Variants in JARID2 observed in about 807,000 individuals in gnomAD.
JARID2 encodes the protein jumonji and AT-rich interaction domain containing 2.
JARID2 carries 21 observed loss-of-function variants against 125.6 expected under a neutral mutation model. The observed-to-expected ratio is 0.17, with a 90% CI of 0.12 to 0.24. The LOEUF (loss-of-function observed/expected upper bound fraction) is 0.24. Among genes scored for constraint, JARID2 ranks in the 10% least tolerant of loss-of-function variants. JARID2 has a pLI of 1.00. For synonymous variants in JARID2, 736 were observed against 661.6 expected (o/e 1.11, Z -1.73); for missense variants, 1,303 against 1,639.6 (o/e 0.79, Z 3.55).
intron 1 of JARID2, among the ~76,000 whole-genome samples, chr6:15,310,100 A>G (rs1397618522): frequency 6.6e-6 from 1 of 152,158 alleles, no homozygotes; most frequent in Non-Finnish European, 1.5e-5. Context: ...GGTTGGCTGG[A>G]TGGGCTGGGG....
chr6:15,248,931 GCCTT>G (rs1442218914), intron 1 of JARID2: 3 of 985,744 alleles, frequency 3.0e-6, no homozygotes, highest in Non-Finnish European at 3.6e-6. Context: ...CTCGGCCTCT[GCCTT>G]CCGCTCCGGA....
chr6:15,420,134 G>A (rs1766416977), intron 3 of JARID2, among the ~76,000 whole-genome samples: 2 of 152,274 alleles, frequency 1.3e-5, no homozygotes, highest in South Asian at 4.1e-4. Flanking sequence ...AGAAGTTACA[G>A]CTGGGCACGC....
At chr6:15,433,064 G>C (rs999268648) in intron 3 of JARID2, among the ~76,000 whole-genome samples, 1 of 152,150 alleles carries the variant, frequency 6.6e-6, no homozygotes, top group African/African-American at 2.4e-5. Flanking sequence ...TTTTGTTGCT[G>C]GTTGAAGAAT....
chr6:15,400,761 C>G (rs943905983), intron 2 of JARID2: 3 of 980,642 alleles, frequency 3.1e-6, no homozygotes, highest in Non-Finnish European at 3.6e-6. Context: ...CTGGCTGCCT[C>G]CCCTCCCCCT....
intron 1 of JARID2, among the ~76,000 whole-genome samples, chr6:15,345,584 C>T (rs1206440497): frequency 6.6e-6 from 1 of 152,178 alleles, no homozygotes; most frequent in Admixed American, 6.5e-5. Context: ...CATAATTAAA[C>T]ATATTAATTT....
intron 3 of JARID2, among the ~76,000 whole-genome samples, chr6:15,432,366 G>A (rs970697122): frequency 6.6e-6 from 1 of 152,146 alleles, no homozygotes; most frequent in Non-Finnish European, 1.5e-5. Flanking sequence ...AGGCAGAGGT[G>A]GCAGTGAGCT....
intron 1 of JARID2, among the ~76,000 whole-genome samples, chr6:15,366,398 A>G (rs1409901759): frequency 6.7e-6 from 1 of 150,224 alleles, no homozygotes; most frequent in Non-Finnish European, 1.5e-5. Flanking sequence ...ATGACATTGC[A>G]TGTTGGTCCT....
At chr6:15,517,851 C>T (rs558390294) in intron 17 of JARID2, among the ~76,000 whole-genome samples, 2 of 152,342 alleles carry the variant, frequency 1.3e-5, no homozygotes, top group South Asian at 4.1e-4. Flanking sequence ...GCCCGCCTTC[C>T]CCACGTGTGC....
chr6:15,260,910 AAC>A (rs1396937251), intron 1 of JARID2, among the ~76,000 whole-genome samples: 1 of 152,200 alleles, frequency 6.6e-6, no homozygotes. Context: ...CCCAGGATGA[AAC>A]ACACTTTCTA....
At chr6:15,311,091 A>G (rs1318430192) in intron 1 of JARID2, among the ~76,000 whole-genome samples, 1 of 152,140 alleles carries the variant, frequency 6.6e-6, no homozygotes, top group Non-Finnish European at 1.5e-5. Flanking sequence ...TTCTCTAATA[A>G]GCTGTTGGTC....
chr6:15,348,068 CTTATAA>C (rs1763301033), intron 1 of JARID2, among the ~76,000 whole-genome samples: 2 of 151,440 alleles, frequency 1.3e-5, no homozygotes, highest in Non-Finnish European at 2.9e-5. Context: ...TTTTATTTTT[CTTATAA>C]TTATTATTAT....
intron 6 of JARID2, among the ~76,000 whole-genome samples, chr6:15,494,184 T>A (rs779799255): frequency 3.3e-5 from 5 of 152,214 alleles, no homozygotes. Context: ...TCTCAGTGGC[T>A]TCTTTCCTTT....
intron 1 of JARID2, among the ~76,000 whole-genome samples, chr6:15,335,240 C>G (rs1261081746): frequency 1.3e-5 from 2 of 152,208 alleles, no homozygotes; most frequent in Admixed American, 1.3e-4. Flanking sequence ...GCTGGGATTA[C>G]AGGCATGTGC....
intron 1 of JARID2, among the ~76,000 whole-genome samples, chr6:15,343,635 C>G (rs977507727): frequency 6.6e-6 from 1 of 152,144 alleles, no homozygotes; most frequent in Non-Finnish European, 1.5e-5. Context: ...CAGCCGGTAT[C>G]CTGTCACTGT....
intron 3 of JARID2, among the ~76,000 whole-genome samples, chr6:15,445,226 G>T (rs1053815649): frequency 4.6e-5 from 7 of 152,162 alleles, no homozygotes; most frequent in African/African-American, 1.7e-4. Flanking sequence ...CATTTGGGGA[G>T]GAAGGGGCAC....
intron 1 of JARID2, among the ~76,000 whole-genome samples, chr6:15,292,538 T>C (rs1452245572): frequency 6.6e-6 from 1 of 152,162 alleles, no homozygotes; most frequent in East Asian, 1.9e-4. Context: ...GACAAATGAT[T>C]TGCCAGAAAT....
chr6:15,293,568 A>G (rs962158188), intron 1 of JARID2, among the ~76,000 whole-genome samples: 1 of 152,226 alleles, frequency 6.6e-6, no homozygotes, highest in African/African-American at 2.4e-5. Context: ...AGAATTTTTC[A>G]GAAGGTTGTT....
At position 15,425,880 on chromosome 6, in the gene JARID2, C is replaced by T. The variant is rs144947685; in HGVS notation, c.323+15515C>T. ...CTTCAATATGGTCATGTGTGCACTT[C>T]ATTTTCCCATATCTGGGAGATGTAA... is the stretch of plus-strand genomic sequence containing the variant. On this transcript the variant is annotated intron_variant, in intron 3 of 17. Transcript: ENST00000341776. Among the ~76,000 whole-genome samples, 595 of 152,300 alleles carry T rather than the reference C, an allele frequency of 3.9e-3. 4 individuals are homozygous for T. Among genetic ancestry groups the T allele is most frequent in the Middle Eastern group, 0.024 (7 of 292 alleles).
intron 1 of JARID2, among the ~76,000 whole-genome samples, chr6:15,288,869 G>A (rs1255252333): frequency 6.6e-6 from 1 of 152,220 alleles, no homozygotes; most frequent in South Asian, 2.1e-4. Context: ...GCCTCCTGGC[G>A]AGGTGAAGAA....
Sources: gnomAD v4.1 joint callset for allele counts (sites outside exome capture counted in the v4.1 genomes callset) on GRCh38, gnomAD v4.1.1 for gene constraint, MANE v1.5 for transcripts, NCBI Gene and HGNC (gene_info 2026-07-23, HGNC 2026-07-21) for gene names.